LRRC37A2: variants seen among roughly 807,000 people sequenced by gnomAD.
LRRC37A2 encodes the protein leucine rich repeat containing 37 member A2, also known as leucine-rich repeat-containing protein 37A2.
Under a neutral mutation model 68.8 loss-of-function variants are expected in LRRC37A2, and 9 were observed. The ratio of observed to expected loss-of-function variants is 0.13; its 90% CI spans 0.08 to 0.23. LRRC37A2 has a LOEUF of 0.23. Ranked by LOEUF, LRRC37A2 falls within the 10% of genes least tolerant of loss-of-function variation. The pLI is 1.00. For missense variants in LRRC37A2, 168 were observed against 950.4 expected, an observed-to-expected ratio of 0.18 and a Z score of 10.82; for synonymous variants, 63 against 367.6, an observed-to-expected ratio of 0.17 and a Z score of 9.48.
chr17:46,938,526 T>C, the LRRC37A2 span: 9 of 1,607,910 alleles, frequency 5.6e-6, no homozygotes, highest in Non-Finnish European at 6.8e-6. Context: ...AAGCTCCATC[T>C]CCTGATGCCA....
At chr17:46,997,834 G>A in the LRRC37A2 span, among the ~76,000 whole-genome samples, 7 of 152,142 alleles carry the variant, frequency 4.6e-5, no homozygotes, top group Non-Finnish European at 4.4e-5. Context: ...GCCGGGCATG[G>A]TGGCAGGTGC....
At chr17:46,926,264 T>G in the LRRC37A2 span, among the ~76,000 whole-genome samples, 3 of 152,174 alleles carry the variant, frequency 2.0e-5, no homozygotes, top group Non-Finnish European at 2.9e-5. Flanking sequence ...TGCCACTACT[T>G]TTAAGTAAAG....
chr17:46,428,925 C>CA, the LRRC37A2 span, among the ~76,000 whole-genome samples: 993 of 6,840 alleles, frequency 0.15, 392 homozygotes, highest in Non-Finnish European at 0.18. Context: ...GACTCCATCT[C>CA]AAAAAAAAAA....
At chr17:46,790,732 A>G in the LRRC37A2 span, among the ~76,000 whole-genome samples, 17 of 152,152 alleles carry the variant, frequency 1.1e-4, no homozygotes, top group South Asian at 2.1e-4. Context: ...CGGCCACAGA[A>G]GCAAAACTTC....
chr17:47,017,769 G>A, the LRRC37A2 span: 28 of 1,610,420 alleles, frequency 1.7e-5, no homozygotes, highest in Admixed American at 3.3e-5. Flanking sequence ...ACCGTATCCC[G>A]GTAGCCTGCC....
the LRRC37A2 span, among the ~76,000 whole-genome samples, chr17:46,797,476 G>A: frequency 2.6e-5 from 4 of 152,254 alleles, no homozygotes; most frequent in East Asian, 7.7e-4. Flanking sequence ...AGGCAGTGGA[G>A]TCCTCAGGAG....
chr17:46,755,970 A>G, the LRRC37A2 span: 6 of 725,764 alleles, frequency 8.3e-6, no homozygotes, highest in Non-Finnish European at 1.3e-5. Context: ...TTAGTGCAAT[A>G]AAACTCCCTT....
chr17:46,821,135 G>A, the LRRC37A2 span: 1 of 152,254 alleles, frequency 6.6e-6, no homozygotes, highest in East Asian at 1.9e-4. Context: ...GCAGCCTGGA[G>A]AACTCAGACG....
the LRRC37A2 span, among the ~76,000 whole-genome samples, chr17:46,635,818 TGCTC>T: frequency 1.7e-4 from 23 of 138,350 alleles, 1 homozygote; most frequent in African/African-American, 2.7e-4. Context: ...TGTGTGTGTG[TGCTC>T]GTGTGTGAAG....
the LRRC37A2 span, among the ~76,000 whole-genome samples, chr17:46,907,903 A>T: frequency 6.6e-6 from 1 of 152,058 alleles, no homozygotes; most frequent in African/African-American, 2.4e-5. Context: ...GGAGCAGACA[A>T]AAAGGCCCCA....
the LRRC37A2 span, among the ~76,000 whole-genome samples, chr17:46,838,801 G>T: frequency 1.6e-3 from 242 of 152,188 alleles, no homozygotes; most frequent in African/African-American, 5.3e-3. Flanking sequence ...AGATAATTTG[G>T]CATAGAGGCC....
the LRRC37A2 span, among the ~76,000 whole-genome samples, chr17:47,020,595 T>C: frequency 4.0e-5 from 6 of 149,984 alleles, no homozygotes; most frequent in Non-Finnish European, 5.9e-5. Flanking sequence ...CTGGCTAACA[T>C]GGTGAAACCC....
the LRRC37A2 span, among the ~76,000 whole-genome samples, chr17:46,983,439 T>G: frequency 6.6e-6 from 1 of 151,926 alleles, no homozygotes; most frequent in Non-Finnish European, 1.5e-5. Context: ...GGATTACAGG[T>G]GTCCGCCACC....
the LRRC37A2 span, among the ~76,000 whole-genome samples, chr17:46,974,626 C>T: frequency 3.3e-5 from 5 of 151,780 alleles, no homozygotes; most frequent in African/African-American, 1.2e-4. Flanking sequence ...CCCAGCTACT[C>T]GGGAGGCTGA....
At chr17:46,767,250 T>A in the LRRC37A2 span, among the ~76,000 whole-genome samples, 2 of 152,094 alleles carry the variant, frequency 1.3e-5, no homozygotes, top group Non-Finnish European at 2.9e-5. Context: ...CACCCGCCTT[T>A]GATCCCTCGA....
the LRRC37A2 span, among the ~76,000 whole-genome samples, chr17:46,489,177 G>A: frequency 2.2e-4 from 18 of 83,158 alleles, 7 homozygotes; most frequent in Admixed American, 1.6e-3. Context: ...TCACTCTGTC[G>A]CCCAGGTTGG....
chr17:46,835,878 C>G, the LRRC37A2 span, among the ~76,000 whole-genome samples: 1 of 152,240 alleles, frequency 6.6e-6, no homozygotes, highest in Non-Finnish European at 1.5e-5. Context: ...GCTACCTTCA[C>G]TAAAGAAGAG....
chr17:46,826,109 C>T, the LRRC37A2 span, among the ~76,000 whole-genome samples: 3 of 152,232 alleles, frequency 2.0e-5, no homozygotes, highest in South Asian at 4.1e-4. Context: ...TGTGGGGGCA[C>T]ATTAGGGAGA....
the LRRC37A2 span, among the ~76,000 whole-genome samples, chr17:46,887,060 A>G: frequency 6.6e-6 from 1 of 151,964 alleles, no homozygotes; most frequent in African/African-American, 2.4e-5. Context: ...CAAGCAATCC[A>G]CCTGCCTTGG....
Sources: gnomAD v4.1 joint callset for allele counts (sites outside exome capture counted in the v4.1 genomes callset) on GRCh38, gnomAD v4.1.1 for gene constraint, MANE v1.5 for transcripts, NCBI Gene and HGNC (gene_info 2026-07-23, HGNC 2026-07-21) for gene names.